LRP1B: variants seen among roughly 807,000 people sequenced by gnomAD.
LRP1B encodes the protein LDL receptor related protein 1B.
Under a neutral mutation model 556.6 loss-of-function variants are expected in LRP1B, and 217 were observed. The ratio of observed to expected loss-of-function variants is 0.39; its 90% CI spans 0.35 to 0.44. The LOEUF is 0.44. LRP1B is among the 20% of genes least tolerant of loss of function. The probability of loss-of-function intolerance (pLI) is 1.00; values close to 1 mark genes in which losing one functional copy is unlikely to be tolerated. For synonymous variants in LRP1B, 2,047 were observed against 1,865.8 expected, an observed-to-expected ratio of 1.10 and a Z score of -2.50; for missense variants, 5,053 against 5,620.8, an observed-to-expected ratio of 0.90 and a Z score of 3.23.
intron 25 of LRP1B, among the ~76,000 whole-genome samples, chr2:140,871,370 A>C (rs1037723191): frequency 6.7e-6 from 1 of 148,934 alleles, no homozygotes; most frequent in African/African-American, 2.5e-5. Flanking sequence ...AATATTTTTT[A>C]AAGGAAAATT....
At chr2:140,761,600 A>G (rs1222875623) in intron 35 of LRP1B, among the ~76,000 whole-genome samples, 1 of 152,162 alleles carries the variant, frequency 6.6e-6, no homozygotes, top group Middle Eastern at 3.2e-3. Context: ...TGCCCTGTAG[A>G]AAGGCCCACA....
intron 3 of LRP1B, among the ~76,000 whole-genome samples, chr2:141,366,580 A>C (rs139476447): frequency 2.6e-5 from 4 of 152,328 alleles, no homozygotes; most frequent in Admixed American, 6.5e-5. Context: ...ATTAACTAAA[A>C]AGGCAAAAAC....
At chr2:140,619,975 A>G (rs1314388514) in intron 41 of LRP1B, among the ~76,000 whole-genome samples, 1 of 152,156 alleles carries the variant, frequency 6.6e-6, no homozygotes. Context: ...TTTTTCTATA[A>G]ATTTAAAACC....
At chr2:141,727,592 G>T (rs1377652525) in intron 2 of LRP1B, among the ~76,000 whole-genome samples, 1 of 152,098 alleles carries the variant, frequency 6.6e-6, no homozygotes, top group African/African-American at 2.4e-5. Context: ...CCATTTAATT[G>T]AAATCTGGTC....
intron 63 of LRP1B, among the ~76,000 whole-genome samples, chr2:140,450,023 C>G (rs1686821228): frequency 1.3e-5 from 2 of 152,084 alleles, no homozygotes; most frequent in South Asian, 4.1e-4. Context: ...AGTCAAATGT[C>G]AAGACATACT....
chr2:140,492,171 AT>A (rs1688727753), intron 57 of LRP1B, among the ~76,000 whole-genome samples: 1 of 152,200 alleles, frequency 6.6e-6, no homozygotes, highest in South Asian at 2.1e-4. Context: ...GCTAGTGAAT[AT>A]TTAACACTTG....
intron 82 of LRP1B, among the ~76,000 whole-genome samples, chr2:140,321,437 A>G (rs995211126): frequency 6.6e-6 from 1 of 151,702 alleles, no homozygotes; most frequent in Non-Finnish European, 1.5e-5. Context: ...GATAATTATC[A>G]TAATTATCAA....
chr2:141,839,387 T>C (rs560143823), intron 1 of LRP1B, among the ~76,000 whole-genome samples: 21 of 152,324 alleles, frequency 1.4e-4, no homozygotes, highest in African/African-American at 5.1e-4. Flanking sequence ...ACATGCACCA[T>C]TGAGCATGCT....
chr2:142,112,280 T>C (rs56217570), intron 1 of LRP1B, among the ~76,000 whole-genome samples: 31,769 of 151,916 alleles, frequency 0.21, 3,543 homozygotes, highest in Middle Eastern at 0.43. Context: ...TTCAGAACAT[T>C]GAATATTCTA....
At chr2:141,132,968 T>C (rs1160090438) in intron 7 of LRP1B, among the ~76,000 whole-genome samples, 1 of 152,028 alleles carries the variant, frequency 6.6e-6, no homozygotes, top group Non-Finnish European at 1.5e-5. Context: ...TAAAAGTCAC[T>C]CCATATGTTT....
chr2:140,656,715 G>T (rs2105331407), intron 41 of LRP1B, among the ~76,000 whole-genome samples: 1 of 152,218 alleles, frequency 6.6e-6, no homozygotes, highest in Non-Finnish European at 1.5e-5. Context: ...TCATTCAAAA[G>T]AAAAGTTTTT....
chr2:140,507,741 C>T (rs72901726), intron 52 of LRP1B, among the ~76,000 whole-genome samples: 31,560 of 151,942 alleles, frequency 0.21, 3,783 homozygotes, highest in Non-Finnish European at 0.27. Flanking sequence ...AGGTAAATGC[C>T]ATGTAGGACT....
chr2:141,116,741 T>C (rs1353123079), intron 7 of LRP1B, among the ~76,000 whole-genome samples: 1 of 150,540 alleles, frequency 6.6e-6, no homozygotes, highest in African/African-American at 2.4e-5. Flanking sequence ...TTTTTTTTTC[T>C]ATAAACTCTG....
At chr2:140,598,985 G>A (rs1682550233) in intron 42 of LRP1B, 150 bp from the exon 43 acceptor site, 4 of 613,436 alleles carry the variant, frequency 6.5e-6, no homozygotes, top group Admixed American at 5.9e-5. Flanking sequence ...AATAAAAGGA[G>A]ATATGCATAT....
intron 66 of LRP1B, among the ~76,000 whole-genome samples, chr2:140,434,543 A>G (rs1686091503): frequency 6.6e-6 from 1 of 152,200 alleles, no homozygotes; most frequent in Non-Finnish European, 1.5e-5. Flanking sequence ...CACATCAGTA[A>G]CCCAACAAGA....
intron 7 of LRP1B, among the ~76,000 whole-genome samples, chr2:141,174,738 TA>T (rs1401279186): frequency 5.9e-5 from 9 of 152,074 alleles, no homozygotes; most frequent in Admixed American, 5.9e-4. Context: ...GCTACAAAGA[TA>T]TATGAAAATG....
chr2:141,134,673 A>G (rs1208955565), intron 7 of LRP1B, among the ~76,000 whole-genome samples: 1 of 151,766 alleles, frequency 6.6e-6, no homozygotes. Flanking sequence ...AAAGTAAAGT[A>G]CAGATCATTA....
intron 2 of LRP1B, among the ~76,000 whole-genome samples, chr2:141,719,646 G>A (rs937047091): frequency 3.5e-4 from 53 of 152,132 alleles, no homozygotes; most frequent in African/African-American, 1.2e-3. Flanking sequence ...CAATGCATTG[G>A]ATAAAGAAAA....
At chr2:140,959,304 A>G (rs1018569987) in intron 18 of LRP1B, among the ~76,000 whole-genome samples, 2 of 151,658 alleles carry the variant, frequency 1.3e-5, no homozygotes, top group Non-Finnish European at 3.0e-5. Flanking sequence ...AATGTTGAAC[A>G]TACATACATA....
Sources: gnomAD v4.1 joint callset for allele counts (sites outside exome capture counted in the v4.1 genomes callset) on GRCh38, gnomAD v4.1.1 for gene constraint, MANE v1.5 for transcripts, NCBI Gene and HGNC (gene_info 2026-07-23, HGNC 2026-07-21) for gene names.